The following PSMD1 variants were observed in gnomAD, a reference collection of about 807,000 sequenced individuals.
PSMD1 encodes 26S proteasome non-ATPase regulatory subunit 1.
In PSMD1, 18 loss-of-function variants were observed where a neutral mutation model predicts 119.0. The observed-to-expected ratio is 0.15, with a 90% CI of 0.10 to 0.22. The LOEUF (loss-of-function observed/expected upper bound fraction) is 0.22, where lower values mean the gene tolerates loss of function less well. Ranked by LOEUF, PSMD1 falls within the 10% of genes least tolerant of loss-of-function variation. The pLI is 1.00. For synonymous variants in PSMD1, 374 were observed against 396.6 expected, an observed-to-expected ratio of 0.94 and a Z score of 0.68; for missense variants, 702 against 1,158.5, an observed-to-expected ratio of 0.61 and a Z score of 5.72.
chr2:231,065,550 C>T (rs1471396974), intron 4 of PSMD1, among the ~76,000 whole-genome samples: 1 of 152,002 alleles, frequency 6.6e-6, no homozygotes, highest in East Asian at 1.9e-4. Context: ...CCACCCGCCT[C>T]GGCCTCCCAA....
intron 21 of PSMD1, among the ~76,000 whole-genome samples, chr2:231,164,136 T>A (rs1348199711): frequency 6.6e-6 from 1 of 152,222 alleles, no homozygotes; most frequent in Non-Finnish European, 1.5e-5. Flanking sequence ...ACCAGTTTTT[T>A]CTTTGATATT....
intron 16 of PSMD1, among the ~76,000 whole-genome samples, chr2:231,110,604 T>C (rs1194066037): frequency 6.6e-6 from 1 of 152,192 alleles, no homozygotes; most frequent in East Asian, 1.9e-4. Context: ...TAAAGAGCCA[T>C]TGACAAGAAT....
intron 16 of PSMD1, among the ~76,000 whole-genome samples, chr2:231,128,561 ACT>A (rs1695781267): frequency 1.3e-5 from 2 of 152,222 alleles, no homozygotes; most frequent in African/African-American, 2.4e-5. Flanking sequence ...AGCTTCCTTC[ACT>A]GTCTTCTCAA....
At chr2:231,080,623 A>G (rs901463120) in intron 12 of PSMD1, among the ~76,000 whole-genome samples, 15 of 152,224 alleles carry the variant, frequency 9.9e-5, no homozygotes, top group African/African-American at 3.6e-4. Context: ...ACTGGAAATT[A>G]AGGCCTAAAG....
chr2:231,084,910 A>G, intron 14 of PSMD1, 109 bp from the exon 15 acceptor site: 1 of 812,248 alleles, frequency 1.2e-6, no homozygotes, highest in Admixed American at 2.1e-5. Flanking sequence ...TGAGCTCATC[A>G]TTTCCTATCT....
intron 16 of PSMD1, among the ~76,000 whole-genome samples, chr2:231,089,851 C>A (rs1243811057): frequency 1.3e-5 from 2 of 152,146 alleles, no homozygotes; most frequent in Non-Finnish European, 2.9e-5. Context: ...AGATTATGCC[C>A]ACTCAGATTA....
chr2:231,161,959 T>C (rs1696651122), intron 20 of PSMD1, among the ~76,000 whole-genome samples: 1 of 152,190 alleles, frequency 6.6e-6, no homozygotes, highest in Non-Finnish European at 1.5e-5. Flanking sequence ...CTAAACTAAA[T>C]CTTCCAGAGT....
chr2:231,104,772 C>G (rs1364711684), intron 16 of PSMD1, among the ~76,000 whole-genome samples: 1 of 152,120 alleles, frequency 6.6e-6, no homozygotes, highest in Non-Finnish European at 1.5e-5. Flanking sequence ...TTTTGAGTGG[C>G]TGTGATAAAA....
intron 24 of PSMD1, among the ~76,000 whole-genome samples, chr2:231,171,736 A>C (rs1232127605): frequency 6.6e-6 from 1 of 151,766 alleles, no homozygotes; most frequent in Non-Finnish European, 1.5e-5. Flanking sequence ...TTGTATTTTT[A>C]GTAGTGACAG....
At chr2:231,149,416 C>T (rs1696323759) in intron 18 of PSMD1, among the ~76,000 whole-genome samples, 1 of 152,154 alleles carries the variant, frequency 6.6e-6, no homozygotes, top group African/African-American at 2.4e-5. Context: ...AGGAGACTCG[C>T]TTGAGCCTGG....
intron 16 of PSMD1, chr2:231,123,501 A>G (rs1247045763): frequency 3.7e-6 from 6 of 1,613,996 alleles, no homozygotes; most frequent in Non-Finnish European, 5.1e-6. Context: ...AGTAATTAGT[A>G]GCATACTGCA....
intron 7 of PSMD1, among the ~76,000 whole-genome samples, chr2:231,073,499 CT>C (rs774449040): frequency 5.9e-5 from 9 of 151,912 alleles, no homozygotes; most frequent in Middle Eastern, 3.4e-3. Context: ...TTTCAAGATT[CT>C]TTGGGCTATT....
chr2:231,157,350 C>T (rs1372998949), intron 19 of PSMD1, among the ~76,000 whole-genome samples: 3 of 150,674 alleles, frequency 2.0e-5, no homozygotes, highest in African/African-American at 4.9e-5. Context: ...TGTTTCGCCT[C>T]TTCTCTGCCA....
chr2:231,146,263 A>G lies in PSMD1; in HGVS notation c.2022A>G (p.Pro674=), dbSNP rs894007297. 6.2e-7 allele frequency: 1 copy of G among 1,613,740 alleles called. No individual in the cohort carries two copies. The highest frequency in any genetic ancestry group is 8.5e-7 in the Non-Finnish European group (1 of 1,179,692). The change falls in exon 18 of 25, where the codon CCA becomes CCG. Residue 674 remains proline, a synonymous_variant. Transcript: ENST00000308696. The part of the protein sequence containing the change: ...GNKEAINLLE[P]MTNDPVNYVR... ...AGGAAGCCATTAATTTGCTAGAACCAATGACAAACGACCCCGTGAACTACG... is the reference window on the plus strand; with the variant it reads ...AGGAAGCCATTAATTTGCTAGAACCGATGACAAACGACCCCGTGAACTACG...
At position 231,067,127 on chromosome 2, in the gene PSMD1, T is replaced by A. The variant is rs1693928062; in HGVS notation, c.510+16T>A. On this transcript the variant is annotated intron_variant, in intron 5 of 24. Coordinates refer to ENST00000308696, the MANE Select transcript of PSMD1 (RefSeq NM_002807.4). ...ACTGGAGTCGGTAGGTAGATGATGT[T>A]ATTTTAGAAATTATTGTTGATAGGG... 1 of 1,538,952 alleles carries A rather than the reference T, an allele frequency of 6.5e-7. No individual in the cohort carries two copies. The highest frequency in any genetic ancestry group is 1.4e-5 in the African/African-American group (1 of 71,892).
At chr2:231,132,363 G>A (rs1245369592) in intron 16 of PSMD1, among the ~76,000 whole-genome samples, 1 of 152,162 alleles carries the variant, frequency 6.6e-6, no homozygotes, top group Non-Finnish European at 1.5e-5. Flanking sequence ...GCAGCCAAGG[G>A]GTAACTTGAT....
At chr2:231,081,531 A>AC (rs1694309359) in intron 12 of PSMD1, among the ~76,000 whole-genome samples, 1 of 152,326 alleles carries the variant, frequency 6.6e-6, no homozygotes, top group Non-Finnish European at 1.5e-5. Flanking sequence ...TGAACTTGAA[A>AC]CATTTTTGGC....
intron 17 of PSMD1, among the ~76,000 whole-genome samples, chr2:231,144,769 T>A (rs1412827313): frequency 1.3e-5 from 2 of 152,164 alleles, no homozygotes; most frequent in Non-Finnish European, 1.5e-5. Flanking sequence ...CTGGGTTTGC[T>A]ATCAGTACTT....
chr2:231,138,702 T>G, intron 16 of PSMD1, 34 bp from the exon 17 acceptor site: 1 of 1,485,866 alleles, frequency 6.7e-7, no homozygotes, highest in South Asian at 1.1e-5. Flanking sequence ...ATAGATTACC[T>G]ATAACAGTGG....
Sources: gnomAD v4.1 joint callset for allele counts (sites outside exome capture counted in the v4.1 genomes callset) on GRCh38, gnomAD v4.1.1 for gene constraint, MANE v1.5 for transcripts, NCBI Gene and HGNC (gene_info 2026-07-23, HGNC 2026-07-21) for gene names.